The following KANK1 variants were observed in gnomAD, a reference collection of about 807,000 sequenced individuals.
The protein encoded by KANK1 is KN motif and ankyrin repeat domain-containing protein 1.
In KANK1, 109 loss-of-function variants were observed where a neutral mutation model predicts 106.2. The ratio of observed to expected loss-of-function variants is 1.03; its 90% CI spans 0.88 to 1.20. KANK1 has a LOEUF of 1.20. KANK1 is among the 50% of genes most tolerant of loss of function. The pLI is 0.00. For missense variants in KANK1, 2,399 were observed against 1,710.7 expected (o/e 1.40, Z -7.10); for synonymous variants, 873 against 652.2 (o/e 1.34, Z -5.16).
intron 1 of KANK1, chr9:673,981 C>G (rs12684355): frequency 7.2e-5 from 11 of 151,958 alleles, no homozygotes; most frequent in Admixed American, 7.2e-4. Context: ...TTCATTTGCC[C>G]CTCCCTCTCT....
rs147148335 is a variant in KANK1 at position 673,081 on chromosome 9, C to G, written c.-83-3809C>G. ...TCTGCATAGCATTAAGAAGAATGAG[C>G]ACTCACAATTTGAGGCCGCCTGTCA... On this transcript the variant is annotated intron_variant, in intron 1 of 11. Transcript: ENST00000382297. 3.3e-3 allele frequency among the ~76,000 whole-genome samples: 502 copies of G among 152,162 alleles called. 10 individuals are homozygous for G. The highest frequency in any genetic ancestry group is 4.8e-3 in the East Asian group (25 of 5,180).
chr9:740,704 G>A (rs1835204429), intron 8 of KANK1, 88 bp from the exon 9 acceptor site: 3 of 1,427,446 alleles, frequency 2.1e-6, no homozygotes, highest in African/African-American at 1.4e-5. Flanking sequence ...CTGGGCTCCT[G>A]TAAACACCAT....
chr9:621,842 C>T (rs1833214585), intron 1 of KANK1, among the ~76,000 whole-genome samples: 1 of 152,100 alleles, frequency 6.6e-6, no homozygotes, highest in Non-Finnish European at 1.5e-5. Flanking sequence ...CACATGTGAA[C>T]TTTGCCCTCG....
chr9:569,776 T>C (rs1355671165), intron 1 of KANK1, among the ~76,000 whole-genome samples: 1 of 152,194 alleles, frequency 6.6e-6, no homozygotes, highest in African/African-American at 2.4e-5. Context: ...TTTCTATTAA[T>C]GCATTCATTA....
intron 3 of KANK1, among the ~76,000 whole-genome samples, chr9:717,530 C>G (rs1828049496): frequency 6.6e-6 from 1 of 152,030 alleles, no homozygotes; most frequent in Non-Finnish European, 1.5e-5. Context: ...GAGACAATGT[C>G]TTGGTTTTGA....
At chr9:563,505 T>C (rs555214265) in intron 1 of KANK1, among the ~76,000 whole-genome samples, 2 of 152,328 alleles carry the variant, frequency 1.3e-5, no homozygotes, top group Admixed American at 6.5e-5. Flanking sequence ...ACTGAAAATA[T>C]AAGGCTATTA....
intron 1 of KANK1, among the ~76,000 whole-genome samples, chr9:562,632 C>G (rs1341513018): frequency 6.6e-6 from 1 of 152,170 alleles, no homozygotes; most frequent in Non-Finnish European, 1.5e-5. Flanking sequence ...ATTACCAATA[C>G]AAGTCAGAGA....
At chr9:563,860 C>G (rs538207987) in intron 1 of KANK1, among the ~76,000 whole-genome samples, 37 of 152,138 alleles carry the variant, frequency 2.4e-4, no homozygotes, top group Middle Eastern at 3.4e-3. Flanking sequence ...AATACCTAGA[C>G]TAGCACAGGG....
At chr9:574,358 T>G (rs1301328910) in intron 1 of KANK1, among the ~76,000 whole-genome samples, 1 of 151,366 alleles carries the variant, frequency 6.6e-6, no homozygotes, top group Admixed American at 6.6e-5. Context: ...CCTAGTTGAC[T>G]GGGGTGCTCT....
chr9:684,128 T>G, intron 2 of KANK1: 6 of 980,086 alleles, frequency 6.1e-6, no homozygotes, highest in Non-Finnish European at 7.3e-6. Context: ...TCATAAACTC[T>G]TAAGGCTTTG....
chr9:722,102 T>G (rs938217307), intron 3 of KANK1, among the ~76,000 whole-genome samples: 1 of 152,208 alleles, frequency 6.6e-6, no homozygotes, highest in Non-Finnish European at 1.5e-5. Flanking sequence ...CCTTGTTCAT[T>G]CCTAGGCACA....
At chr9:667,070 A>G (rs1844801654) in intron 1 of KANK1, among the ~76,000 whole-genome samples, 1 of 151,426 alleles carries the variant, frequency 6.6e-6, no homozygotes, top group South Asian at 2.1e-4. Context: ...AGAATTAATC[A>G]GATCCTCGAC....
At chr9:731,296 A>AT (rs1473738262) in intron 5 of KANK1, 30 bp downstream of exon 5, 2 of 1,324,798 alleles carry the variant, frequency 1.5e-6, no homozygotes, top group Non-Finnish European at 2.2e-6. Context: ...CTAGAGGCTA[A>AT]TGCTGTCAGT....
At chr9:563,759 A>T (rs1817099309) in intron 1 of KANK1, among the ~76,000 whole-genome samples, 1 of 152,156 alleles carries the variant, frequency 6.6e-6, no homozygotes, top group African/African-American at 2.4e-5. Flanking sequence ...TATGGTTCAG[A>T]AATGTTTAGG....
At chr9:682,323 A>C (rs1817719624) in intron 2 of KANK1, among the ~76,000 whole-genome samples, 1 of 152,246 alleles carries the variant, frequency 6.6e-6, no homozygotes, top group East Asian at 1.9e-4. Context: ...GATAACATAA[A>C]ATTTGACAGG....
At position 515,020 on chromosome 9, in the gene KANK1, T is replaced by C. The variant is rs554767224; in HGVS notation, c.-84+10266T>C. Among the ~76,000 whole-genome samples the C allele has an allele frequency of 5.3e-5, 8 of 151,922 alleles. No individual in the cohort carries two copies. The South Asian group carries it at 1.5e-3, about 28-fold the overall frequency. On this transcript the variant is annotated intron_variant, in intron 1 of 11. Transcript: ENST00000382297. ...AACACCTCAAAAAGGGTTCATACTT[T>C]TTATTTTATTGCATAGCAAAGTAGA...
intron 1 of KANK1, among the ~76,000 whole-genome samples, chr9:601,613 T>C (rs1012709331): frequency 2.0e-5 from 3 of 151,910 alleles, no homozygotes; most frequent in Non-Finnish European, 4.4e-5. Flanking sequence ...CTAGTGCTAT[T>C]CGTGTGGACT....
rs145576877 is a variant in KANK1 at position 645,016 on chromosome 9, C to T, written c.-83-31874C>T. ...GTGTGCACCTGTAGTCCCAGCTACT[C>T]TGGAGGCTCAGGCAGGAGAATTGTT... On this transcript the variant is annotated intron_variant, in intron 1 of 11. Coordinates refer to ENST00000382297, the MANE Select transcript of KANK1 (RefSeq NM_015158.5). 3.7e-3 allele frequency among the ~76,000 whole-genome samples: 548 copies of T among 147,408 alleles called. 41 individuals carry two copies. Among genetic ancestry groups the T allele is most frequent in the African/African-American group, 0.014 (535 of 38,286 alleles).
At chr9:547,947 T>G (rs1483463193) in intron 1 of KANK1, among the ~76,000 whole-genome samples, 1 of 152,200 alleles carries the variant, frequency 6.6e-6, no homozygotes, top group Non-Finnish European at 1.5e-5. Context: ...ATCTGACTTT[T>G]TTTTATGTTT....
Sources: allele counts gnomAD v4.1 joint callset (sites outside exome capture counted in the v4.1 genomes callset), GRCh38; gene constraint gnomAD v4.1.1; transcripts MANE v1.5; gene names NCBI Gene and HGNC (gene_info 2026-07-23, HGNC 2026-07-21).